SNX13: variants seen among roughly 807,000 people sequenced by gnomAD.
The protein encoded by SNX13 is sorting nexin 13, also known as sorting nexin-13.
Under a neutral mutation model 133.6 loss-of-function variants are expected in SNX13, and 45 were observed. The ratio of observed to expected loss-of-function variants is 0.34; its 90% CI spans 0.27 to 0.43. The LOEUF is 0.43. SNX13 is among the 20% of genes least tolerant of loss of function. The probability of loss-of-function intolerance (pLI) is 1.00; values close to 1 mark genes in which losing one functional copy is unlikely to be tolerated. For synonymous variants in SNX13, 414 were observed against 373.9 expected, an observed-to-expected ratio of 1.11 and a Z score of -1.24; for missense variants, 1,032 against 1,145.1, an observed-to-expected ratio of 0.90 and a Z score of 1.43.
intron 9 of SNX13, among the ~76,000 whole-genome samples, chr7:17,862,311 TAAACA>T (rs1235061327): frequency 6.6e-6 from 1 of 152,224 alleles, no homozygotes; most frequent in East Asian, 1.9e-4. Context: ...TCTGTACTAC[TAAACA>T]AATTTTATTA....
At chr7:17,832,414 T>A (rs2128310168) in intron 15 of SNX13, 5 of 984,614 alleles carry the variant, frequency 5.1e-6, no homozygotes, top group South Asian at 4.7e-5. Flanking sequence ...TACACATTAC[T>A]TAGAAGCCCA....
intron 15 of SNX13, chr7:17,832,416 AGAAGCCC>A (rs1788602417): frequency 1.0e-6 from 1 of 984,520 alleles, no homozygotes; most frequent in South Asian, 4.7e-5. Context: ...CACATTACTT[AGAAGCCC>A]ACACAATTAT....
intron 1 of SNX13, among the ~76,000 whole-genome samples, chr7:17,937,767 T>G (rs1802282659): frequency 6.6e-6 from 1 of 152,198 alleles, no homozygotes; most frequent in Admixed American, 6.5e-5. Context: ...CCTCCATTCT[T>G]TATACAACTC....
intron 9 of SNX13, among the ~76,000 whole-genome samples, chr7:17,862,139 G>A (rs1003064731): frequency 2.0e-5 from 3 of 152,088 alleles, no homozygotes; most frequent in Non-Finnish European, 4.4e-5. Context: ...ACAGAAAACT[G>A]AACACTAAAA....
intron 11 of SNX13, among the ~76,000 whole-genome samples, chr7:17,848,316 C>T (rs1217298799): frequency 1.3e-5 from 2 of 152,130 alleles, no homozygotes; most frequent in African/African-American, 4.8e-5. Context: ...ATAAAGTCTC[C>T]AGCATTTACC....
chr7:17,800,408 G>A (rs1784488965), intron 22 of SNX13, among the ~76,000 whole-genome samples: 1 of 151,714 alleles, frequency 6.6e-6, no homozygotes, highest in African/African-American at 2.4e-5. Flanking sequence ...TGTGATAAGG[G>A]AGAAACAGTA....
chr7:17,930,115 A>G (rs557652217), intron 1 of SNX13, among the ~76,000 whole-genome samples: 102 of 34,326 alleles, frequency 3.0e-3, no homozygotes, highest in African/African-American at 9.1e-3. Context: ...AATAAAGAAT[A>G]AAGAATAAGA....
chr7:17,811,267 A>T (rs1785984023), intron 20 of SNX13, among the ~76,000 whole-genome samples: 1 of 152,198 alleles, frequency 6.6e-6, no homozygotes, highest in African/African-American at 2.4e-5. Flanking sequence ...ATCTCAGCCC[A>T]AAATCTCCTT....
intron 15 of SNX13, chr7:17,831,526 G>C (rs1788486335): frequency 1.0e-6 from 1 of 984,212 alleles, no homozygotes; most frequent in Non-Finnish European, 1.2e-6. Context: ...CTACTGTTAA[G>C]TTTGGTTAAA....
intron 12 of SNX13, 129 bp downstream of exon 12, chr7:17,845,466 A>G (rs1489003190): frequency 1.7e-6 from 1 of 583,110 alleles, no homozygotes; most frequent in Non-Finnish European, 3.0e-6. Context: ...AACATCATGA[A>G]TACATTTAAT....
chr7:17,863,038 A>C (rs1490002506), intron 9 of SNX13, among the ~76,000 whole-genome samples: 1 of 152,132 alleles, frequency 6.6e-6, no homozygotes, highest in Non-Finnish European at 1.5e-5. Context: ...TGGGAGGAAG[A>C]GTGAAGTAAG....
At chr7:17,877,758 T>C (rs1794889942) in intron 5 of SNX13, among the ~76,000 whole-genome samples, 1 of 152,016 alleles carries the variant, frequency 6.6e-6, no homozygotes, top group African/African-American at 2.4e-5. Context: ...AAATTTGATG[T>C]ACAGATTTCT....
intron 17 of SNX13, 58 bp downstream of exon 17, chr7:17,825,964 T>C: frequency 1.6e-6 from 2 of 1,225,924 alleles, no homozygotes; most frequent in Non-Finnish European, 1.1e-6. Context: ...TGGAAAATTA[T>C]TTAGGGATAT....
At chr7:17,809,495 A>G (rs527828973) in intron 20 of SNX13, among the ~76,000 whole-genome samples, 1 of 152,236 alleles carries the variant, frequency 6.6e-6, no homozygotes, top group South Asian at 2.1e-4. Flanking sequence ...CTACAAAGAG[A>G]CTTAGAGTCC....
intron 5 of SNX13, among the ~76,000 whole-genome samples, chr7:17,876,992 C>A (rs1220132149): frequency 2.3e-5 from 3 of 131,406 alleles, no homozygotes; most frequent in African/African-American, 5.8e-5. Context: ...TAATTACCCA[C>A]ACATACAATA....
intron 18 of SNX13, among the ~76,000 whole-genome samples, chr7:17,819,792 A>T (rs902617387): frequency 5.3e-5 from 8 of 152,148 alleles, no homozygotes; most frequent in Non-Finnish European, 1.2e-4. Flanking sequence ...CCTGATTTTC[A>T]TTTAAAAGGA....
intron 1 of SNX13, among the ~76,000 whole-genome samples, chr7:17,911,499 C>T (rs1185385241): frequency 1.3e-5 from 2 of 151,892 alleles, no homozygotes; most frequent in Admixed American, 6.6e-5. Context: ...ATTAGCCAGG[C>T]GTAGTGGTGT....
At chr7:17,935,793 C>T (rs1452736000) in intron 1 of SNX13, among the ~76,000 whole-genome samples, 1 of 152,156 alleles carries the variant, frequency 6.6e-6, no homozygotes, top group Non-Finnish European at 1.5e-5. Flanking sequence ...CCTCTGAATG[C>T]CAGTGGACCT....
intron 20 of SNX13, among the ~76,000 whole-genome samples, chr7:17,805,250 T>TGCGCGCGCGCGC (rs1554304275): frequency 2.7e-4 from 26 of 95,558 alleles, no homozygotes; most frequent in African/African-American, 4.4e-4. Flanking sequence ...TGTGTGTGTG[T>TGCGCGCGCGCGC]GCGTGCGCGC....
Sources: gnomAD v4.1 joint callset for allele counts (sites outside exome capture counted in the v4.1 genomes callset) on GRCh38, gnomAD v4.1.1 for gene constraint, MANE v1.5 for transcripts, NCBI Gene and HGNC (gene_info 2026-07-23, HGNC 2026-07-21) for gene names.